ATOSA: variants seen among roughly 807,000 people sequenced by gnomAD.
ATOSA encodes the protein atos homolog A, also known as atos homolog protein A.
the ATOSA span, among the ~76,000 whole-genome samples, chr15:52,665,591 A>T: frequency 6.6e-6 from 1 of 152,158 alleles, no homozygotes; most frequent in Non-Finnish European, 1.5e-5. Flanking sequence ...TTTTACAATA[A>T]TCAAAAAATG....
the ATOSA span, chr15:52,678,448 C>G: frequency 5.6e-6 from 1 of 179,390 alleles, no homozygotes; most frequent in Non-Finnish European, 1.2e-5. Flanking sequence ...ACAAAAACGC[C>G]TCTGGAAACA....
the ATOSA span, among the ~76,000 whole-genome samples, chr15:52,701,612 A>T: frequency 1.3e-5 from 2 of 152,188 alleles, no homozygotes; most frequent in African/African-American, 2.4e-5. Context: ...GAAAAGCAAA[A>T]TTATACTAAT....
the ATOSA span, chr15:52,593,725 C>A: frequency 6.5e-7 from 1 of 1,539,922 alleles, no homozygotes; most frequent in South Asian, 1.2e-5. Context: ...AACGATAGTT[C>A]AAGACAGATT....
At chr15:52,618,973 A>C in the ATOSA span, among the ~76,000 whole-genome samples, 866 of 152,344 alleles carry the variant, frequency 5.7e-3, 9 homozygotes, top group Non-Finnish European at 6.2e-3. Context: ...GACTTACTGA[A>C]CTTAGTGTGT....
chr15:52,597,844 G>A, the ATOSA span, among the ~76,000 whole-genome samples: 1 of 152,204 alleles, frequency 6.6e-6, no homozygotes, highest in Non-Finnish European at 1.5e-5. Context: ...ACTAATATTG[G>A]CTAGGCGTGG....
the ATOSA span, chr15:52,611,696 G>A: frequency 6.2e-7 from 1 of 1,614,010 alleles, no homozygotes; most frequent in Non-Finnish European, 8.5e-7. Context: ...CAGTCTGGTA[G>A]TAGCATCATT....
chr15:52,671,599 T>C, the ATOSA span, among the ~76,000 whole-genome samples: 12 of 152,078 alleles, frequency 7.9e-5, no homozygotes, highest in African/African-American at 2.2e-4. Flanking sequence ...AATTACAAAA[T>C]GTGGTCAATG....
the ATOSA span, among the ~76,000 whole-genome samples, chr15:52,638,684 T>C: frequency 1.7e-5 from 2 of 115,408 alleles, no homozygotes; most frequent in African/African-American, 3.5e-5. Flanking sequence ...CTGGGCGACA[T>C]AGTGAGACTC....
At chr15:52,645,913 T>C in the ATOSA span, among the ~76,000 whole-genome samples, 2 of 152,230 alleles carry the variant, frequency 1.3e-5, no homozygotes, top group African/African-American at 4.8e-5. Context: ...TGTACTCTCA[T>C]AAGAATATTC....
chr15:52,622,310 G>A, the ATOSA span, among the ~76,000 whole-genome samples: 1 of 152,126 alleles, frequency 6.6e-6, no homozygotes, highest in African/African-American at 2.4e-5. Context: ...GTAAGAACTG[G>A]AATCTCAGTG....
chr15:52,629,515 A>G, the ATOSA span: 1 of 227,400 alleles, frequency 4.4e-6, no homozygotes, highest in Non-Finnish European at 9.0e-6. Context: ...TTAAAAAAAA[A>G]AAAAAAGGCC....
the ATOSA span, among the ~76,000 whole-genome samples, chr15:52,593,920 C>A: frequency 6.6e-6 from 1 of 152,188 alleles, no homozygotes. Flanking sequence ...TGCTTTTCAT[C>A]TGACTTGAAG....
At chr15:52,704,978 A>G in the ATOSA span, among the ~76,000 whole-genome samples, 2 of 152,204 alleles carry the variant, frequency 1.3e-5, no homozygotes, top group African/African-American at 4.8e-5. Context: ...TAGAAATACC[A>G]TTTGACCCAG....
chr15:52,629,546 G>A, the ATOSA span: 1 of 277,136 alleles, frequency 3.6e-6, no homozygotes, highest in Non-Finnish European at 7.2e-6. Flanking sequence ...GCTCATGCCT[G>A]TAATCCCAGC....
At chr15:52,694,951 G>T in the ATOSA span, among the ~76,000 whole-genome samples, 3 of 148,700 alleles carry the variant, frequency 2.0e-5, no homozygotes, top group East Asian at 2.0e-4. Context: ...TTGAGACAGG[G>T]TCTTATCCTG....
chr15:52,634,750 T>C, the ATOSA span, among the ~76,000 whole-genome samples: 4 of 151,930 alleles, frequency 2.6e-5, no homozygotes, highest in Non-Finnish European at 5.9e-5. Context: ...TACAGGCACA[T>C]GCCACCATGC....
At chr15:52,688,967 C>A in the ATOSA span, among the ~76,000 whole-genome samples, 3 of 152,176 alleles carry the variant, frequency 2.0e-5, no homozygotes, top group Non-Finnish European at 4.4e-5. Context: ...AGAAAATAAC[C>A]CACAGTTGGG....
chr15:52,601,210 A>G, the ATOSA span: 8 of 1,262,248 alleles, frequency 6.3e-6, no homozygotes, highest in Admixed American at 2.8e-5. Context: ...AAAAACTGTT[A>G]ATTTTTTTCT....
At chr15:52,582,759 A>G in the ATOSA span, among the ~76,000 whole-genome samples, 3 of 152,322 alleles carry the variant, frequency 2.0e-5, no homozygotes, top group East Asian at 3.9e-4. Context: ...GGTAGATGAT[A>G]AAAAACTGCT....
Sources: gnomAD v4.1 joint callset for allele counts (sites outside exome capture counted in the v4.1 genomes callset) on GRCh38, gnomAD v4.1.1 for gene constraint, MANE v1.5 for transcripts, NCBI Gene and HGNC (gene_info 2026-07-23, HGNC 2026-07-21) for gene names.